The following MYOM1 variants were observed in gnomAD, a reference collection of about 807,000 sequenced individuals.
MYOM1 encodes the protein myomesin 1.
In MYOM1, 164 loss-of-function variants were observed where a neutral mutation model predicts 205.3. That is an observed-to-expected ratio of 0.80 (90% CI 0.70 to 0.91). The LOEUF is 0.91. Ranked by LOEUF, MYOM1 falls within the 40% of genes least tolerant of loss-of-function variation. The pLI, the probability that MYOM1 is intolerant of heterozygous loss-of-function variation, is 0.00. For missense variants in MYOM1, 2,011 were observed against 2,127.3 expected (o/e 0.95, Z 1.08); for synonymous variants, 772 against 789.4 (o/e 0.98, Z 0.37).
At chr18:3,132,896 T>C (rs933991259) in intron 16 of MYOM1, among the ~76,000 whole-genome samples, 3 of 152,212 alleles carry the variant, frequency 2.0e-5, no homozygotes, top group Non-Finnish European at 2.9e-5. Context: ...TCCTAAGGAC[T>C]GCAGCCAGAG....
intron 2 of MYOM1, among the ~76,000 whole-genome samples, chr18:3,212,426 G>A (rs1336989748): frequency 6.6e-6 from 1 of 152,052 alleles, no homozygotes; most frequent in Non-Finnish European, 1.5e-5. Context: ...TTGCTCAAAG[G>A]TTTAATTATT....
rs1041278875 is a variant in MYOM1 at position 3,100,359 on chromosome 18, T to C, written c.3643A>G (p.Thr1215Ala). 4 of 1,613,906 alleles carry C rather than the reference T, an allele frequency of 2.5e-6. No homozygotes were observed. The African/African-American group carries it at 5.3e-5, about 22-fold the overall frequency. ...LGIYSCDVTDTDGIASSYLID... is the reference protein window; with the variant it reads ...LGIYSCDVTDADGIASSYLID... ...AAGTAGCTTGATGCTATTCCATCAG[T>C]GTCTGTTACATCGCAAGAGTAAATA... is the stretch of plus-strand genomic sequence containing the variant. The change falls in exon 24 of 38, where the codon ACT becomes GCT. Residue 1215 changes from threonine to alanine, a missense_variant. Thr to Ala is a moderately conservative substitution (Grantham distance 58). Transcript: ENST00000356443.
chr18:3,187,847 ATTTC>A (rs1208876905), intron 4 of MYOM1, among the ~76,000 whole-genome samples: 36 of 137,756 alleles, frequency 2.6e-4, no homozygotes, highest in African/African-American at 3.7e-4. Flanking sequence ...AACATCTTTG[ATTTC>A]TTTTTCTTTT....
chr18:3,069,039 T>A (rs1411559596), intron 37 of MYOM1, among the ~76,000 whole-genome samples: 2 of 152,202 alleles, frequency 1.3e-5, no homozygotes, highest in Non-Finnish European at 2.9e-5. Context: ...CCTCCCAAAG[T>A]GCTGAGATTA....
In MYOM1 at chr18:3,214,999, C is replaced by T. The variant is rs1269266014; in HGVS notation, c.225G>A (p.Gln75=). The T allele has an allele frequency of 6.2e-7, 1 of 1,611,704 alleles. No homozygotes were observed. Among genetic ancestry groups the T allele is most frequent in the Admixed American group, 1.7e-5 (1 of 59,926 alleles). Residue 75 remains glutamine (Q), a synonymous_variant, in exon 2 of 38, where the codon CAG becomes CAA. Transcript: ENST00000356443. ...GACTGACTTCAGAGCTCAGGGCGTG[C>T]TGCGAGGCCTGCTGCTGGGAGGAGG... The part of the protein sequence containing the change: ...SASSSQQQAS[Q]HALSSEVSRK...
At chr18:3,142,620 T>C (rs1486196665) in intron 13 of MYOM1, among the ~76,000 whole-genome samples, 1 of 152,044 alleles carries the variant, frequency 6.6e-6, no homozygotes, top group East Asian at 1.9e-4. Context: ...ACTCTTCTTA[T>C]CTTTAAATAG....
At chr18:3,193,270 T>C (rs1373222935) in intron 3 of MYOM1, among the ~76,000 whole-genome samples, 1 of 148,838 alleles carries the variant, frequency 6.7e-6, no homozygotes, top group Non-Finnish European at 1.5e-5. Flanking sequence ...TGAGACCCTA[T>C]CTCAAATACA....
rs146718672 is a variant in MYOM1 at position 3,136,419 on chromosome 18, T to A, written c.2026-689A>T. ...ATTTTCTAATTTTAATTAAATTAAA[T>A]TAAATTTTATTTTATTTTATTTTTG... On this transcript the variant is annotated intron_variant, in intron 14 of 37. Transcript: ENST00000356443. Among the ~76,000 whole-genome samples, 283 of 152,210 alleles carry A rather than the reference T, an allele frequency of 1.9e-3. 1 individual carries two copies. Among genetic ancestry groups the A allele is most frequent in the African/African-American group, 6.4e-3 (265 of 41,558 alleles).
upstream of MYOM1, among the ~76,000 whole-genome samples, chr18:3,223,752 A>C (rs994154020): frequency 2.0e-5 from 3 of 152,224 alleles, no homozygotes; most frequent in African/African-American, 7.2e-5. Context: ...CTCTGCTTCT[A>C]CCTGCTGGCT....
chr18:3,088,179 G>A (rs1357241513), intron 29 of MYOM1, among the ~76,000 whole-genome samples: 2 of 152,170 alleles, frequency 1.3e-5, no homozygotes, highest in Non-Finnish European at 2.9e-5. Context: ...GGACACCAGA[G>A]CTCCTCTGGT....
intron 28 of MYOM1, 95 bp downstream of exon 28, chr18:3,089,442 C>A: frequency 2.2e-6 from 2 of 909,004 alleles, no homozygotes; most frequent in South Asian, 3.6e-5. Context: ...TTAACATAAT[C>A]AATAATATTC....
chr18:3,100,542 A>C, intron 23 of MYOM1, 116 bp from the exon 24 acceptor site: 248 of 715,022 alleles, frequency 3.5e-4, no homozygotes, highest in East Asian at 6.3e-4. Context: ...ACCTCCTCTC[A>C]TCTTGCTGAG....
chr18:3,072,370 T>TTTTTTTTTTTTTTTTTTTAG (rs768555182), intron 36 of MYOM1, among the ~76,000 whole-genome samples: 1 of 115,942 alleles, frequency 8.6e-6, no homozygotes, highest in African/African-American at 3.4e-5. Context: ...TTTTTTTTTT[T>TTTTTTTTTTTTTTTTTTTAG]TGAGGCAGAG....
chr18:3,160,558 A>G (rs2144034268), intron 10 of MYOM1, among the ~76,000 whole-genome samples: 1 of 152,354 alleles, frequency 6.6e-6, no homozygotes, highest in Middle Eastern at 3.4e-3. Flanking sequence ...ACCAAATTGT[A>G]TACTTAACAT....
intron 26 of MYOM1, among the ~76,000 whole-genome samples, chr18:3,091,270 C>A (rs112919002): frequency 6.6e-6 from 1 of 151,662 alleles, no homozygotes; most frequent in Non-Finnish European, 1.5e-5. Flanking sequence ...GAGCCGAGAT[C>A]GCACCATTGC....
rs962925120 is a variant in MYOM1 at position 3,188,736 on chromosome 18, G to A, written c.771+12C>T. On this transcript the variant is annotated intron_variant, in intron 4 of 37. Transcript: ENST00000356443. The stretch of plus-strand genomic sequence containing the variant: ...CCACCTTTGTAAGTTACTTTAAACT[G>A]TCTTTTCTTACTGTTTTCCTCAGGG... The A allele has an allele frequency of 1.9e-6, 3 of 1,547,264 alleles. No homozygotes were observed. Among genetic ancestry groups the A allele is most frequent in the Middle Eastern group, 1.7e-4 (1 of 5,756 alleles).
chr18:3,083,777 T>A lies in MYOM1; in HGVS notation c.4484+12A>T. Reference sequence around the variant, plus strand: ...GAATTTCTACACAGCAAGTAAGTTCTCATTTACTTACTTGTGGGACCAGTT... The same window carrying A: ...GAATTTCTACACAGCAAGTAAGTTCACATTTACTTACTTGTGGGACCAGTT... On this transcript the variant is annotated intron_variant, in intron 33 of 37. Transcript: ENST00000356443. The A allele has an allele frequency of 6.5e-7, 1 of 1,539,954 alleles. No individual in the cohort carries two copies. The highest frequency in any genetic ancestry group is 2.4e-5 in the East Asian group (1 of 41,660).
At chr18:3,121,261 C>A (rs1438419197) in intron 19 of MYOM1, among the ~76,000 whole-genome samples, 3 of 152,158 alleles carry the variant, frequency 2.0e-5, no homozygotes, top group Non-Finnish European at 2.9e-5. Context: ...AAAAATCCAA[C>A]CCACAGATGA....
chr18:3,142,134 G>T (rs1012854477), intron 13 of MYOM1, 71 bp from the exon 14 acceptor site: 7 of 1,541,684 alleles, frequency 4.5e-6, no homozygotes, highest in Non-Finnish European at 6.2e-6. Context: ...AGCCAAAGAC[G>T]CTGCTCTCCT....
Sources: gnomAD v4.1 joint callset for allele counts (sites outside exome capture counted in the v4.1 genomes callset) on GRCh38, gnomAD v4.1.1 for gene constraint, MANE v1.5 for transcripts, NCBI Gene and HGNC (gene_info 2026-07-23, HGNC 2026-07-21) for gene names.